The following DNMT3L variants were observed in gnomAD, a reference collection of about 807,000 sequenced individuals.
DNMT3L encodes the protein DNA methyltransferase 3 like.
DNMT3L carries 33 observed loss-of-function variants against 36.2 expected under a neutral mutation model. The observed-to-expected ratio is 0.91, with a 90% CI of 0.69 to 1.22. DNMT3L has a LOEUF of 1.22. Ranked by LOEUF, DNMT3L falls within the 50% of genes most tolerant of loss-of-function variation. DNMT3L has a pLI of 0.00. For synonymous variants in DNMT3L, 117 were observed against 121.7 expected, an observed-to-expected ratio of 0.96 and a Z score of 0.26; for missense variants, 310 against 303.1, an observed-to-expected ratio of 1.02 and a Z score of -0.17.
chr21:44,255,295 T>C (rs1027713167), intron 7 of DNMT3L, among the ~76,000 whole-genome samples: 3 of 151,794 alleles, frequency 2.0e-5, no homozygotes, highest in African/African-American at 7.3e-5. Context: ...CCAAGGCGGA[T>C]GGATCACCTG....
chr21:44,261,071 C>G (rs2040312999), intron 2 of DNMT3L, 83 bp downstream of exon 2: 11 of 1,542,080 alleles, frequency 7.1e-6, no homozygotes, highest in African/African-American at 1.4e-5. Context: ...CATGAATACT[C>G]CAGAAGCCTG....
rs1407559250 is a variant in DNMT3L, at chr21:44,258,758, G to C, written c.345-64C>G. The C allele has an allele frequency of 3.2e-6, 5 of 1,563,756 alleles. No individual in the cohort carries two copies. The highest frequency in any genetic ancestry group is 1.2e-5 in the South Asian group (1 of 85,210). ...GCCCACCTCTCCTGAGGATGGCAGAGGTGGGCCTGATTGAGCCTTGTTTTG... is the reference window on the plus strand; with the variant it reads ...GCCCACCTCTCCTGAGGATGGCAGACGTGGGCCTGATTGAGCCTTGTTTTG... On this transcript the variant is annotated intron_variant, in intron 5 of 11. Transcript: ENST00000628202. The surrounding 1 kb of genome is among the most constrained non-coding windows in gnomAD (Gnocchi z 6.2).
chr21:44,261,393 G>C, intron 1 of DNMT3L, 127 bp from the exon 2 acceptor site: 1 of 828,956 alleles, frequency 1.2e-6, no homozygotes, highest in Non-Finnish European at 1.9e-6. Context: ...CTGAACCCCC[G>C]CGGTGACACC....
intron 6 of DNMT3L, among the ~76,000 whole-genome samples, chr21:44,257,703 AAT>A (rs72292853): frequency 0.14 from 17,240 of 121,540 alleles, 1,865 homozygotes; most frequent in African/African-American, 0.31. Flanking sequence ...AAAATAAATA[AAT>A]AAATAAATAA....
rs749841405 is a variant in DNMT3L at position 44,256,134 on chromosome 21, G to A, written c.537C>T (p.Phe179=). 3 of 1,613,868 alleles carry A rather than the reference G, an allele frequency of 1.9e-6. No homozygotes were observed. Among genetic ancestry groups the A allele is most frequent in the Middle Eastern group, 1.7e-4 (1 of 6,060 alleles). Residue 179 remains phenylalanine, a synonymous_variant, in exon 7 of 12, where the codon TTC becomes TTT. Coordinates refer to ENST00000628202, the MANE Select transcript of DNMT3L (RefSeq NM_175867.3). ...GTCTCCTCCACACAGGCACGGTTTCGAACATCTCAAGGGGATTCTCCTATT... is the reference window on the plus strand; with the variant it reads ...GTCTCCTCCACACAGGCACGGTTTCAAACATCTCAAGGGGATTCTCCTATT... The part of the protein sequence containing the change: ...DRESENPLEM[F]ETVPVWRRQP...
intron 2 of DNMT3L, 146 bp downstream of exon 2, chr21:44,261,008 G>T: frequency 2.2e-6 from 3 of 1,349,298 alleles, no homozygotes; most frequent in Non-Finnish European, 3.1e-6. Context: ...CCATACCTGG[G>T]GGAAGACTGT....
At chr21:44,260,675 C>G (rs2040309276) in intron 3 of DNMT3L, 120 bp downstream of exon 3, 4 of 1,351,422 alleles carry the variant, frequency 3.0e-6, no homozygotes, top group Non-Finnish European at 4.2e-6. Context: ...CTAGGCTGGT[C>G]TCAAACTCCT....
intron 7 of DNMT3L, among the ~76,000 whole-genome samples, chr21:44,254,984 C>A (rs1358531158): frequency 6.6e-6 from 1 of 152,098 alleles, no homozygotes; most frequent in African/African-American, 2.4e-5. Context: ...TGCCACCACG[C>A]CCGGCTAATT....
At chr21:44,254,827 TTTGTTG>T in intron 7 of DNMT3L, 122 bp from the exon 8 acceptor site, 2 of 920,836 alleles carry the variant, frequency 2.2e-6, no homozygotes, top group Non-Finnish European at 3.2e-6. Flanking sequence ...ACTGTATATT[TTTGTTG>T]TTGTTGTTTT....
At chr21:44,254,785 G>T (rs1011199123) in intron 7 of DNMT3L, 80 bp from the exon 8 acceptor site, 2 of 1,401,550 alleles carry the variant, frequency 1.4e-6, no homozygotes, top group South Asian at 1.2e-5. Context: ...GCTGACGGAC[G>T]ATCAGAGGAC....
In DNMT3L at chr21:44,258,056, C is replaced by A. The variant is rs2040278987; in HGVS notation, c.516+467G>T. Among the ~76,000 whole-genome samples, 1 of 152,180 alleles carries A rather than the reference C, an allele frequency of 6.6e-6. No individual in the cohort carries two copies. Among genetic ancestry groups the A allele is most frequent in the African/African-American group, 2.4e-5 (1 of 41,452 alleles). ...TTAACTAAATTACATCTGCAAAAACCCTGTTTCCAAATAAGATCACATTCA... is the reference window on the plus strand; with the variant it reads ...TTAACTAAATTACATCTGCAAAAACACTGTTTCCAAATAAGATCACATTCA... On this transcript the variant is annotated intron_variant, in intron 6 of 11. Transcript: ENST00000628202. The surrounding 1 kb of genome is among the most constrained non-coding windows in gnomAD (Gnocchi z 6.2).
Position 44,259,603 on chromosome 21 carries a change from A to AGGG in DNMT3L, c.231+26_231+28dup, listed in dbSNP as rs199702367. On this transcript the variant is annotated intron_variant, in intron 4 of 11. Coordinates refer to ENST00000628202, the MANE Select transcript of DNMT3L (RefSeq NM_175867.3). ...GTGTCATCCCTGCTCTGAGGCCATG[A>AGGG]GGGAGTCACCCCCAGCCTCCCTGCC... 2,636 of 1,613,344 alleles carry AGGG rather than the reference A, an allele frequency of 1.6e-3. 46 individuals carry two copies. In the African/African-American group the frequency reaches 0.032, roughly 19 times the overall value.
chr21:44,253,940 T>C (rs923924424), intron 8 of DNMT3L, among the ~76,000 whole-genome samples: 2 of 152,116 alleles, frequency 1.3e-5, no homozygotes, highest in African/African-American at 2.4e-5. Context: ...TGATGGCAGG[T>C]GCAACCTGAG....
intron 1 of DNMT3L, 69 bp from the exon 2 acceptor site, chr21:44,261,335 C>T: frequency 6.9e-7 from 1 of 1,456,036 alleles, no homozygotes; most frequent in Non-Finnish European, 9.5e-7. Flanking sequence ...TGATGCACCC[C>T]AGCACGGGAA....
At chr21:44,261,054 A>T in intron 2 of DNMT3L, 100 bp downstream of exon 2, 10 of 1,488,014 alleles carry the variant, frequency 6.7e-6, no homozygotes, top group Non-Finnish European at 9.2e-6. Flanking sequence ...CGGGTGCCTG[A>T]ATAATGCATG....
chr21:44,254,326 C>A (rs1220552149), intron 8 of DNMT3L, among the ~76,000 whole-genome samples: 1 of 152,236 alleles, frequency 6.6e-6, no homozygotes, highest in African/African-American at 2.4e-5. Context: ...GTTTGCCCAA[C>A]TGCCCTGCTC....
chr21:44,257,596 G>A (rs76424302), intron 6 of DNMT3L, among the ~76,000 whole-genome samples: 3,789 of 148,748 alleles, frequency 0.025, 93 homozygotes, highest in African/African-American at 0.062. Flanking sequence ...CAGGAGAATG[G>A]CGTGAACCTG....
At chr21:44,261,719 G>A (rs2040321270) in intron 1 of DNMT3L, 21 bp downstream of exon 1, 1 of 160,198 alleles carries the variant, frequency 6.2e-6, no homozygotes, top group Non-Finnish European at 1.4e-5. Context: ...AGCATGGTCA[G>A]GGAGTAGGAA....
At position 44,256,078 on chromosome 21, in the gene DNMT3L, T is replaced by C. The variant is rs931007810; in HGVS notation, c.593A>G (p.Asp198Gly). The change falls in exon 7 of 12, where the codon GAC (aspartate) becomes GGC (glycine). Residue 198 changes from aspartate to glycine, a missense_variant. Asp to Gly is a moderately conservative substitution (Grantham distance 94). Coordinates refer to ENST00000628202, the MANE Select transcript of DNMT3L (RefSeq NM_175867.3). ...CATCACTGACTCACCTTTCTTGATG[T>C]CTTCAAAAAGGGACAGCACCCGGAC... ...QPVRVLSLFE[D>G]IKKELTSLGF... 6.2e-7 allele frequency: 1 copy of C among 1,613,916 alleles called. No individual in the cohort carries two copies. The highest frequency in any genetic ancestry group is 1.3e-5 in the African/African-American group (1 of 75,000).
Sources: gnomAD v4.1 joint callset for allele counts (sites outside exome capture counted in the v4.1 genomes callset) on GRCh38, gnomAD v4.1.1 for gene constraint, Gnocchi (gnomAD v3.1) non-coding constraint, MANE v1.5 for transcripts, NCBI Gene and HGNC (gene_info 2026-07-23, HGNC 2026-07-21) for gene names.